Variants in UBL3 observed in about 807,000 individuals in gnomAD.
UBL3 encodes the protein ubiquitin like 3.
A neutral mutation model predicts 18.4 loss-of-function variants in UBL3; 6 were observed. That is an observed-to-expected ratio of 0.33 (90% CI 0.18 to 0.64). The LOEUF (loss-of-function observed/expected upper bound fraction) is 0.64. UBL3 is among the 30% of genes least tolerant of loss of function. The probability of loss-of-function intolerance (pLI) is 0.76; values close to 1 mark genes in which losing one functional copy is unlikely to be tolerated. For synonymous variants in UBL3, 49 were observed against 46.6 expected, an observed-to-expected ratio of 1.05 and a Z score of -0.21; for missense variants, 109 against 142.9, an observed-to-expected ratio of 0.76 and a Z score of 1.21.
chr13:29,809,907 T>C (rs1266398624), intron 1 of UBL3, among the ~76,000 whole-genome samples: 9 of 152,138 alleles, frequency 5.9e-5, no homozygotes, highest in Non-Finnish European at 7.4e-5. Flanking sequence ...AATGACTATA[T>C]ATTAATTTAT....
At chr13:29,844,104 C>T (rs1036642024) in intron 1 of UBL3, among the ~76,000 whole-genome samples, 5 of 152,162 alleles carry the variant, frequency 3.3e-5, no homozygotes, top group African/African-American at 1.2e-4. Flanking sequence ...ACTGGAAAAA[C>T]TCTGAGAAAC....
chr13:29,838,340 G>A (rs1307579414), intron 1 of UBL3, among the ~76,000 whole-genome samples: 1 of 152,102 alleles, frequency 6.6e-6, no homozygotes, highest in African/African-American at 2.4e-5. Context: ...TTACCCAGAT[G>A]CACATACAAT....
Position 29,802,890 on chromosome 13 carries a change from T to C in UBL3, c.28-25627A>G, listed in dbSNP as rs143520140. Among the ~76,000 whole-genome samples the C allele has an allele frequency of 9.8e-5, 15 of 152,316 alleles. No individual in the cohort carries two copies. In the South Asian group the frequency reaches 1.9e-3, roughly 19 times the overall value. ...ACTTGGGAAACATATTTCAGGATAT[T>C]GTCCATGAAAATTTCCCCAACTTCA... On this transcript the variant is annotated intron_variant, in intron 1 of 4. Transcript: ENST00000380680.
chr13:29,797,990 C>A (rs1286926142), intron 1 of UBL3, among the ~76,000 whole-genome samples: 5 of 147,732 alleles, frequency 3.4e-5, no homozygotes, highest in African/African-American at 1.2e-4. Context: ...CCCAGTTTTT[C>A]ACAATGTAGT....
chr13:29,781,035 C>T (rs1286337928), intron 1 of UBL3, among the ~76,000 whole-genome samples: 1 of 152,048 alleles, frequency 6.6e-6, no homozygotes, highest in African/African-American at 2.4e-5. Flanking sequence ...ATTAGCAGAG[C>T]ATGGTGATGC....
intron 1 of UBL3, among the ~76,000 whole-genome samples, chr13:29,839,929 G>T (rs1307764336): frequency 4.9e-5 from 7 of 142,274 alleles, no homozygotes; most frequent in Admixed American, 4.9e-4. Flanking sequence ...TCCGTCTCGG[G>T]GGAAAAAAAA....
At chr13:29,849,466 T>C (rs1263272277) in intron 1 of UBL3, 46 bp downstream of exon 1, 23 of 1,613,724 alleles carry the variant, frequency 1.4e-5, no homozygotes, top group East Asian at 2.2e-5. Flanking sequence ...TTAAATAAGA[T>C]TGGAAACCAC....
intron 1 of UBL3, among the ~76,000 whole-genome samples, chr13:29,832,173 C>T (rs544485054): frequency 1.4e-3 from 207 of 152,208 alleles, no homozygotes; most frequent in Non-Finnish European, 2.4e-3. Flanking sequence ...CCTCTCTGCC[C>T]TCAGAGTAAG....
chr13:29,767,400 G>T, intron 4 of UBL3, 93 bp from the exon 5 acceptor site: 1 of 1,466,540 alleles, frequency 6.8e-7, no homozygotes, highest in South Asian at 1.2e-5. Flanking sequence ...TAGTAGTTTT[G>T]AGTTTTTAAA....
chr13:29,840,074 A>C (rs1566002295), intron 1 of UBL3, among the ~76,000 whole-genome samples: 3 of 78,324 alleles, frequency 3.8e-5, no homozygotes, highest in African/African-American at 1.5e-4. Context: ...GAAATCAGTA[A>C]AAAGTTAAAA....
intron 1 of UBL3, among the ~76,000 whole-genome samples, chr13:29,793,345 T>C (rs1324109204): frequency 6.6e-6 from 1 of 152,140 alleles, no homozygotes; most frequent in African/African-American, 2.4e-5. Context: ...AGAGACACAA[T>C]TCAAGAACTA....
intron 1 of UBL3, among the ~76,000 whole-genome samples, chr13:29,826,334 T>C (rs905480784): frequency 2.0e-5 from 3 of 152,166 alleles, no homozygotes; most frequent in Non-Finnish European, 4.4e-5. Context: ...TCCTGGACTG[T>C]TTTTGGTTGG....
chr13:29,776,116 A>G (rs1390581915), intron 2 of UBL3, among the ~76,000 whole-genome samples: 1 of 152,146 alleles, frequency 6.6e-6, no homozygotes, highest in African/African-American at 2.4e-5. Flanking sequence ...TAAATAGGCT[A>G]TCTAGAGAAG....
chr13:29,822,398 A>T (rs1878482186), intron 1 of UBL3, among the ~76,000 whole-genome samples: 1 of 152,210 alleles, frequency 6.6e-6, no homozygotes. Context: ...GATCTCAAAG[A>T]TTTTAAAATA....
rs189547357 is a variant in UBL3, at chr13:29,765,300, C to T, written c.*1955G>A. ...ATTGTTTAATTGCCCAATTAAGCAA[C>T]TACCAGATTCTTTAGTCAACACTAA... On this transcript the variant is annotated 3_prime_UTR_variant, in exon 5 of 5. Transcript: ENST00000380680. 7 of 152,164 alleles carry T rather than the reference C, an allele frequency of 4.6e-5. No homozygotes were observed. In the East Asian group the frequency reaches 1.2e-3, roughly 25 times the overall value. 9.4% of individuals were successfully genotyped at this position (152,164 alleles called of 1,614,324 possible).
At chr13:29,810,086 C>T (rs1010972983) in intron 1 of UBL3, among the ~76,000 whole-genome samples, 1 of 151,972 alleles carries the variant, frequency 6.6e-6, no homozygotes, top group African/African-American at 2.4e-5. Context: ...GTAAAAAATA[C>T]AACTTGCTGA....
chr13:29,764,471 A>C lies in UBL3; in HGVS notation c.*2784T>G, dbSNP rs565418485. On this transcript the variant is annotated 3_prime_UTR_variant, in exon 5 of 5. Transcript: ENST00000380680. ...AAACATTGTTTACCACAATCAGCTA[A>C]CAGAAATTACTGTAACATTGGTCAC... 42 of 152,354 alleles carry C rather than the reference A, an allele frequency of 2.8e-4. No homozygotes were observed. The highest frequency in any genetic ancestry group is 9.6e-4 in the African/African-American group (40 of 41,586). The allele number at this position is 152,354 out of a possible 1,614,324, so 9.4% of individuals were successfully genotyped here. A position where few individuals can be genotyped will look rare whatever the true frequency, so the allele number is the denominator to read the frequency against.
chr13:29,833,878 C>T (rs990474563), intron 1 of UBL3, among the ~76,000 whole-genome samples: 5 of 152,198 alleles, frequency 3.3e-5, no homozygotes, highest in African/African-American at 1.2e-4. Flanking sequence ...ATAGGAGGTA[C>T]TCAACAAGTA....
chr13:29,780,390 A>ATGTGTGTG (rs1555232308), intron 1 of UBL3, among the ~76,000 whole-genome samples: 2 of 92,150 alleles, frequency 2.2e-5, no homozygotes, highest in African/African-American at 8.0e-5. Context: ...ATATATATAT[A>ATGTGTGTG]TGTGTGTGTG....
Sources: gnomAD v4.1 joint callset for allele counts (sites outside exome capture counted in the v4.1 genomes callset) on GRCh38, gnomAD v4.1.1 for gene constraint, MANE v1.5 for transcripts, NCBI Gene and HGNC (gene_info 2026-07-23, HGNC 2026-07-21) for gene names.